The following GGA3 variants were observed in gnomAD, a reference collection of about 807,000 sequenced individuals.
GGA3 encodes golgi associated, gamma adaptin ear containing, ARF binding protein 3.
Under a neutral mutation model 77.5 loss-of-function variants are expected in GGA3, and 57 were observed. That is an observed-to-expected ratio of 0.74 (90% CI 0.59 to 0.92). GGA3 has a LOEUF of 0.92. Ranked by LOEUF, GGA3 falls within the 40% of genes least tolerant of loss-of-function variation. The pLI, the probability that GGA3 is intolerant of heterozygous loss-of-function variation, is 0.00. For synonymous variants in GGA3, 416 were observed against 383.7 expected (o/e 1.08, Z -0.98); for missense variants, 970 against 914.9 (o/e 1.06, Z -0.78).
At chr17:75,250,398 C>G (rs2145561298) in intron 1 of GGA3, among the ~76,000 whole-genome samples, 1 of 152,318 alleles carries the variant, frequency 6.6e-6, no homozygotes, top group Admixed American at 6.5e-5. Flanking sequence ...CTTAAAACGT[C>G]ATGTGGGGAT....
intron 1 of GGA3, chr17:75,248,973 CG>C (rs2076865670): frequency 1.0e-6 from 1 of 985,180 alleles, no homozygotes; most frequent in African/African-American, 1.7e-5. Context: ...CTTCCCAGGT[CG>C]GGGCTCGGCC....
At position 75,240,653 on chromosome 17, in the gene GGA3, G is replaced by T. The variant is rs535396975; in HGVS notation, c.1192+159C>A. 3.1e-4 allele frequency: 261 copies of T among 829,614 alleles called. 2 individuals carry two copies. In the African/African-American group the frequency reaches 4.1e-3, roughly 13 times the overall value. The allele number at this position is 829,614 out of a possible 1,614,324, so 51.4% of individuals were successfully genotyped here. On this transcript the variant is annotated intron_variant, in intron 11 of 16. Transcript: ENST00000537686. The stretch of plus-strand genomic sequence containing the variant: ...AGTCCACCGGGAGGATGGCCCTGGG[G>T]CCCTCAGGGTCGCTGAACTTCACTG...
At chr17:75,254,093 C>T (rs2077061480) in intron 1 of GGA3, among the ~76,000 whole-genome samples, 1 of 152,182 alleles carries the variant, frequency 6.6e-6, no homozygotes, top group Non-Finnish European at 1.5e-5. Context: ...CCTCTCAAGT[C>T]TCTGTTCCCA....
In GGA3 at chr17:75,241,381, G is replaced by A. The variant is rs1451729610; in HGVS notation, c.946+19C>T. On this transcript the variant is annotated intron_variant, in intron 10 of 16. Transcript: ENST00000537686. ...GGCTGGTCTGGAGGAGCCTAGAGTTGGGGACCAGAGCATCTCACCTTCCGA... is the reference window on the plus strand; with the variant it reads ...GGCTGGTCTGGAGGAGCCTAGAGTTAGGGACCAGAGCATCTCACCTTCCGA... 8 of 1,487,124 alleles carry A rather than the reference G, an allele frequency of 5.4e-6. No individual in the cohort carries two copies. In the South Asian group the frequency reaches 7.9e-5, roughly 15 times the overall value. The allele number at this position is 1,487,124 out of a possible 1,614,324, so 92.1% of individuals were successfully genotyped here. A position where few individuals can be genotyped will look rare whatever the true frequency, so the allele number is the denominator to read the frequency against.
Position 75,237,518 on chromosome 17 carries a change from G to A in GGA3, c.*761C>T, listed in dbSNP as rs2076360624. The A allele has an allele frequency of 1.3e-6, 2 of 1,535,656 alleles. No individual in the cohort carries two copies. The highest frequency in any genetic ancestry group is 2.0e-5 in the Admixed American group (1 of 50,976). ...GCTGGAGGCACGCTTTTCCCAGAAA[G>A]CTGAGTACCTGCTTCTGGAGAAGGG... is the stretch of plus-strand genomic sequence containing the variant. On this transcript the variant is annotated 3_prime_UTR_variant, in exon 17 of 17. Transcript: ENST00000537686.
At chr17:75,252,624 C>G (rs1053601585) in intron 1 of GGA3, among the ~76,000 whole-genome samples, 1 of 152,154 alleles carries the variant, frequency 6.6e-6, no homozygotes, top group African/African-American at 2.4e-5. Context: ...TCCCTATTGT[C>G]AGGCCTCTGA....
intron 13 of GGA3, 74 bp downstream of exon 13, chr17:75,239,715 C>A (rs905078102): frequency 6.4e-7 from 1 of 1,566,376 alleles, no homozygotes; most frequent in Admixed American, 1.7e-5. Flanking sequence ...ACCCCCACCC[C>A]TTCAAAGTTA....
chr17:75,255,445 T>C (rs869264458), intron 1 of GGA3, among the ~76,000 whole-genome samples: 1 of 151,826 alleles, frequency 6.6e-6, no homozygotes, highest in Non-Finnish European at 1.5e-5. Flanking sequence ...TCCTCTTGTA[T>C]TCCCCCCCAC....
chr17:75,243,196 C>T (rs761501207), intron 5 of GGA3, 30 bp from the exon 6 acceptor site: 20 of 1,513,628 alleles, frequency 1.3e-5, no homozygotes, highest in Non-Finnish European at 1.6e-5. Flanking sequence ...CACGTGCACT[C>T]AGGCTGTGGT....
At chr17:75,242,658 C>T (rs1273486071) in intron 7 of GGA3, among the ~76,000 whole-genome samples, 173 bp downstream of exon 7, 1 of 152,208 alleles carries the variant, frequency 6.6e-6, no homozygotes, top group African/African-American at 2.4e-5. Flanking sequence ...TCCTCTCTTC[C>T]GTGCTCCCGC....
rs1352371247 is a variant in GGA3 at position 75,244,692 on chromosome 17, C to T, written c.227G>A (p.Cys76Tyr). 1 of 1,613,894 alleles carries T rather than the reference C, an allele frequency of 6.2e-7. No individual in the cohort carries two copies. The highest frequency in any genetic ancestry group is 8.5e-7 in the Non-Finnish European group (1 of 1,179,756). Residue 76 changes from cysteine (C) to tyrosine (Y), a missense_variant, in exon 4 of 17, where the codon TGT becomes TAT. Transcript: ENST00000537686. ...CACTTCGTTATGAAATCTCCTCCCA[C>T]AGTTCTTCATGCATGCCTCCAGCAC... ...LTVLEACMKN[C>Y]GRRFHNEVGK... is the part of the protein sequence containing the mutation.
At chr17:75,257,444 A>G (rs1015878320) in intron 1 of GGA3, among the ~76,000 whole-genome samples, 4 of 152,152 alleles carry the variant, frequency 2.6e-5, no homozygotes, top group Non-Finnish European at 5.9e-5. Context: ...GCTATCCCCA[A>G]ACTGCCACTC....
rs1051279391 is a variant in GGA3, at chr17:75,238,698, G to A, written c.2015C>T (p.Pro672Leu). ...CATGACCTGGGTGATGGCTGCAGGT[G>A]GCTGGATGGGGCTAAATGGAGAGAG... ...TELSPFSPIQ[P>L]PAAITQVMLL... Residue 672 changes from proline to leucine, a missense_variant, in exon 16 of 17, where the codon CCA (proline) becomes CTA (leucine). Pro to Leu is a moderately conservative substitution (Grantham distance 98, BLOSUM62 -3). Coordinates refer to ENST00000537686, the MANE Select transcript of GGA3 (RefSeq NM_138619.4). 2.5e-5 allele frequency: 41 copies of A among 1,613,936 alleles called. No homozygotes were observed. Among genetic ancestry groups the A allele is most frequent in the Non-Finnish European group, 3.5e-5 (41 of 1,179,942 alleles).
chr17:75,260,870 T>C (rs748557570), intron 1 of GGA3, among the ~76,000 whole-genome samples: 1 of 151,220 alleles, frequency 6.6e-6, no homozygotes, highest in Non-Finnish European at 1.5e-5. Flanking sequence ...TTACTCAGAA[T>C]AGGCTATCAA....
At chr17:75,248,183 G>C (rs1204920714) in intron 1 of GGA3, among the ~76,000 whole-genome samples, 1 of 152,048 alleles carries the variant, frequency 6.6e-6, no homozygotes, top group Non-Finnish European at 1.5e-5. Context: ...AAAATCACCA[G>C]CTACGGGGCC....
At chr17:75,252,882 T>C (rs560119038) in intron 1 of GGA3, among the ~76,000 whole-genome samples, 1 of 152,276 alleles carries the variant, frequency 6.6e-6, no homozygotes, top group Admixed American at 6.5e-5. Context: ...CCGCAAAACA[T>C]TGCTCTTAAC....
intron 1 of GGA3, among the ~76,000 whole-genome samples, chr17:75,258,379 T>TC (rs1797105723): frequency 6.6e-6 from 1 of 152,114 alleles, no homozygotes; most frequent in Admixed American, 6.6e-5. Flanking sequence ...TTAAACTTCT[T>TC]CGGCTGGGCT....
At chr17:75,244,255 G>A (rs2076677814) in intron 4 of GGA3, 1 of 232,744 alleles carries the variant, frequency 4.3e-6, no homozygotes. Flanking sequence ...CTGAGCATCG[G>A]AGCAATGACG....
In GGA3 at chr17:75,237,466, T is replaced by TAGTCAG; in HGVS notation, c.*807_*812dup. On this transcript the variant is annotated 3_prime_UTR_variant, in exon 17 of 17. Coordinates refer to ENST00000537686, the MANE Select transcript of GGA3 (RefSeq NM_138619.4). ...AGTTTATTTCATGCCAAGCAAGAGG[T>TAGTCAG]AGTCAGTAGGATGGCCTGTCCCCAC... 1 of 1,533,572 alleles carries TAGTCAG rather than the reference T, an allele frequency of 6.5e-7. No homozygotes were observed. The highest frequency in any genetic ancestry group is 8.7e-7 in the Non-Finnish European group (1 of 1,144,692). 95.0% of individuals were successfully genotyped at this position (1,533,572 alleles called of 1,614,324 possible). A position where few individuals can be genotyped will look rare whatever the true frequency, so the allele number is the denominator to read the frequency against.
Sources: allele counts gnomAD v4.1 joint callset (sites outside exome capture counted in the v4.1 genomes callset), GRCh38; gene constraint gnomAD v4.1.1; transcripts MANE v1.5; gene names NCBI Gene and HGNC (gene_info 2026-07-23, HGNC 2026-07-21).